ARMC8: variants seen among roughly 807,000 people sequenced by gnomAD.
The protein encoded by ARMC8 is armadillo repeat containing 8.
Under a neutral mutation model 99.3 loss-of-function variants are expected in ARMC8, and 20 were observed. That is an observed-to-expected ratio of 0.20 (90% CI 0.14 to 0.29). The LOEUF (loss-of-function observed/expected upper bound fraction) is 0.29. ARMC8 is among the 10% of genes least tolerant of loss of function. The pLI is 1.00. For synonymous variants in ARMC8, 263 were observed against 278.3 expected, an observed-to-expected ratio of 0.95 and a Z score of 0.55; for missense variants, 569 against 809.5, an observed-to-expected ratio of 0.70 and a Z score of 3.60.
At chr3:138,216,098 A>T (rs1039559269) in intron 2 of ARMC8, among the ~76,000 whole-genome samples, 1 of 145,556 alleles carries the variant, frequency 6.9e-6, no homozygotes, top group African/African-American at 2.6e-5. Flanking sequence ...TATGTTGGCC[A>T]GGCTGGTCTT....
At chr3:138,249,949 T>A (rs1357472930) in intron 12 of ARMC8, among the ~76,000 whole-genome samples, 1 of 152,216 alleles carries the variant, frequency 6.6e-6, no homozygotes, top group Non-Finnish European at 1.5e-5. Flanking sequence ...AATAGCTTAA[T>A]TTTTGGTTAC....
In ARMC8 at chr3:138,211,229, C is replaced by T. The variant is rs567264945; in HGVS notation, c.122+1336C>T. 2.0e-5 allele frequency among the ~76,000 whole-genome samples: 3 copies of T among 151,938 alleles called. No individual in the cohort carries two copies. The South Asian group carries it at 6.2e-4, about 32-fold the overall frequency. ...CTCTCCACATATAACCAGATAGCTC[C>T]GTATATAGATAATTCTAAGTATTAC... On this transcript the variant is annotated intron_variant, in intron 2 of 21. Transcript: ENST00000469044.
chr3:138,228,637 T>C (rs1284692782), intron 5 of ARMC8: 1 of 467,312 alleles, frequency 2.1e-6, no homozygotes, highest in Non-Finnish European at 4.2e-6. Context: ...CTTATTGAAA[T>C]GATTTTATCA....
chr3:138,289,025 T>G, intron 19 of ARMC8, 23 bp from the exon 20 acceptor site: 1 of 1,600,258 alleles, frequency 6.2e-7, no homozygotes, highest in African/African-American at 1.3e-5. Context: ...TTTTGATTTT[T>G]TTTTCTTTTT....
At chr3:138,213,660 A>T (rs1026852141) in intron 2 of ARMC8, among the ~76,000 whole-genome samples, 4 of 152,194 alleles carry the variant, frequency 2.6e-5, no homozygotes, top group African/African-American at 9.7e-5. Flanking sequence ...TCTGCATGTG[A>T]CTTAAAACAT....
intron 12 of ARMC8, among the ~76,000 whole-genome samples, chr3:138,257,416 A>G (rs1156349514): frequency 6.6e-6 from 1 of 152,196 alleles, no homozygotes; most frequent in East Asian, 1.9e-4. Context: ...GTCGTCTTAT[A>G]AAATCACATG....
At position 138,274,472 on chromosome 3, in the gene ARMC8, T is replaced by A. The variant is rs746062975; in HGVS notation, c.1653T>A (p.Thr551=). ...AGCATATAGATAAAATAATGAGTAC[T>A]CATGGAAAGCAAATTATGCAAGCCG... The part of the protein sequence containing the change: ...TRPHIDKIMS[T]HGKQIMQAVT... Residue 551 remains threonine, a synonymous_variant, in exon 18 of 22, where the codon ACT becomes ACA. Transcript: ENST00000469044. 1.9e-6 allele frequency: 3 copies of A among 1,610,048 alleles called. No individual in the cohort carries two copies. Among genetic ancestry groups the A allele is most frequent in the Non-Finnish European group, 2.5e-6 (3 of 1,176,478 alleles).
Position 138,241,864 on chromosome 3 carries a change from CTGAT to C in ARMC8, c.923_926del (p.Ile308AsnfsTer12). 6.2e-7 allele frequency: 1 copy of C among 1,614,066 alleles called. No homozygotes were observed. The highest frequency in any genetic ancestry group is 8.5e-7 in the Non-Finnish European group (1 of 1,179,956). On this transcript the variant is annotated frameshift_variant, in exon 11 of 22. Transcript: ENST00000469044. LOFTEE classifies it high-confidence loss of function. ...TGAAGGAGCTGAGACACTTGCCTAT[CTGAT>C]TGAACCAGATGTTGAGCTACAGAGA...
intron 1 of ARMC8, chr3:138,188,348 A>G: frequency 7.4e-7 from 1 of 1,357,480 alleles, no homozygotes; most frequent in Non-Finnish European, 9.7e-7. Flanking sequence ...GAAAGAAGGG[A>G]ACGTATTGAC....
At chr3:138,247,262 A>AT (rs370706593) in intron 12 of ARMC8, among the ~76,000 whole-genome samples, 1 of 152,050 alleles carries the variant, frequency 6.6e-6, no homozygotes, top group African/African-American at 2.4e-5. Context: ...ACTTGACTGT[A>AT]TTTTTTGTGT....
At chr3:138,189,156 A>G (rs888559031) in intron 1 of ARMC8, among the ~76,000 whole-genome samples, 2 of 152,032 alleles carry the variant, frequency 1.3e-5, no homozygotes, top group Admixed American at 6.6e-5. Flanking sequence ...GAAAGTTTTC[A>G]TTTGTTTCAC....
chr3:138,237,601 GAC>G lies in ARMC8; in HGVS notation c.776+31_776+32del, dbSNP rs769711172. ...AAAGTCAGGACAATGTGGGAAGAAA[GAC>G]AGTGCTTTATCAATATCTTAGAGTA... On this transcript the variant is annotated intron_variant, in intron 9 of 21. Transcript: ENST00000469044. 303 of 1,573,544 alleles carry G rather than the reference GAC, an allele frequency of 1.9e-4. 2 individuals are homozygous for G. In the South Asian group the frequency reaches 3.2e-3, roughly 17 times the overall value.
At chr3:138,252,064 A>G (rs2047143319) in intron 12 of ARMC8, among the ~76,000 whole-genome samples, 1 of 152,232 alleles carries the variant, frequency 6.6e-6, no homozygotes, top group African/African-American at 2.4e-5. Flanking sequence ...GATAAGAATC[A>G]GGGATTGTTG....
intron 12 of ARMC8, chr3:138,262,459 C>T: frequency 6.8e-7 from 1 of 1,480,478 alleles, no homozygotes; most frequent in South Asian, 1.2e-5. Context: ...ACAATATTTT[C>T]TTCTCTTCTT....
chr3:138,234,808 G>T (rs1271657099), intron 6 of ARMC8, among the ~76,000 whole-genome samples: 3 of 152,134 alleles, frequency 2.0e-5, no homozygotes, highest in Non-Finnish European at 4.4e-5. Context: ...TTTCTAGGAG[G>T]TAAAGAGGCA....
rs956611014 is a variant in ARMC8 at position 138,291,505 on chromosome 3, T to C, written c.1988+866T>C. On this transcript the variant is annotated intron_variant, in intron 21 of 21. Coordinates refer to ENST00000469044, the MANE Select transcript of ARMC8 (RefSeq NM_001363941.2). ...ATTGTTTTAGGCACTGGAGATATAA[T>C]GGTGAATAAAATTGATGAAGTCTTT... is the stretch of plus-strand genomic sequence containing the variant. Among the ~76,000 whole-genome samples, 3 of 152,230 alleles carry C rather than the reference T, an allele frequency of 2.0e-5. No individual in the cohort carries two copies. In the South Asian group the frequency reaches 6.2e-4, roughly 31 times the overall value.
chr3:138,263,656 G>T, intron 12 of ARMC8, 83 bp from the exon 13 acceptor site: 2 of 1,172,164 alleles, frequency 1.7e-6, no homozygotes, highest in South Asian at 1.2e-5. Flanking sequence ...ACTTTTAATG[G>T]ATGTTAACAT....
intron 1 of ARMC8, among the ~76,000 whole-genome samples, chr3:138,202,830 CT>C (rs2044156484): frequency 6.6e-6 from 1 of 152,146 alleles, no homozygotes; most frequent in African/African-American, 2.4e-5. Flanking sequence ...TCCTATTAGC[CT>C]TCAAATTTTT....
At chr3:138,251,786 T>C (rs545113824) in intron 12 of ARMC8, among the ~76,000 whole-genome samples, 8 of 152,340 alleles carry the variant, frequency 5.3e-5, no homozygotes, top group Non-Finnish European at 7.3e-5. Context: ...TAAATGGAGA[T>C]ATAAAATTGA....
Sources: allele counts gnomAD v4.1 joint callset (sites outside exome capture counted in the v4.1 genomes callset), GRCh38; gene constraint gnomAD v4.1.1; transcripts MANE v1.5; gene names NCBI Gene and HGNC (gene_info 2026-07-23, HGNC 2026-07-21).